Variants in VKORC1L1 observed in about 807,000 individuals in gnomAD.
The protein encoded by VKORC1L1 is vitamin K epoxide reductase complex subunit 1L1, also known as vitamin K epoxide reductase complex subunit 1-like protein 1.
Under a neutral mutation model 18.9 loss-of-function variants are expected in VKORC1L1, and 2 were observed. That is an observed-to-expected ratio of 0.11 (90% CI 0.04 to 0.33). VKORC1L1 has a LOEUF of 0.33. Ranked by LOEUF, VKORC1L1 falls within the 10% of genes least tolerant of loss-of-function variation. The probability of loss-of-function intolerance (pLI) is 1.00; values close to 1 mark genes in which losing one functional copy is unlikely to be tolerated. For synonymous variants in VKORC1L1, 96 were observed against 100.0 expected, an observed-to-expected ratio of 0.96 and a Z score of 0.24; for missense variants, 123 against 224.1, an observed-to-expected ratio of 0.55 and a Z score of 2.88.
At chr7:65,883,465 A>G (rs1204721877) in intron 1 of VKORC1L1, among the ~76,000 whole-genome samples, 1 of 150,230 alleles carries the variant, frequency 6.7e-6, no homozygotes. Flanking sequence ...TTTGAGCTTT[A>G]AAATACATTG....
At chr7:65,895,481 ATATATATATATATATATATATATAT>A (rs1789188286) in intron 1 of VKORC1L1, among the ~76,000 whole-genome samples, 2 of 23,592 alleles carry the variant, frequency 8.5e-5, no homozygotes. Context: ...AAAAAAAAAA[ATATATATATATATATATATATATAT>A]ATATATATAT....
intron 1 of VKORC1L1, among the ~76,000 whole-genome samples, chr7:65,906,068 G>A (rs1487140256): frequency 2.0e-5 from 3 of 151,696 alleles, no homozygotes; most frequent in African/African-American, 4.8e-5. Context: ...GAATGTGAGC[G>A]TTTTGAAGAC....
At chr7:65,880,842 G>T (rs1450756225) in intron 1 of VKORC1L1, among the ~76,000 whole-genome samples, 1 of 152,186 alleles carries the variant, frequency 6.6e-6, no homozygotes, top group African/African-American at 2.4e-5. Flanking sequence ...TATAAACCAT[G>T]TACTCTTGTA....
chr7:65,882,431 G>C (rs1360364775), intron 1 of VKORC1L1, among the ~76,000 whole-genome samples: 1 of 134,148 alleles, frequency 7.5e-6, no homozygotes, highest in African/African-American at 2.7e-5. Flanking sequence ...AAAAAAAAAA[G>C]TGCATTTAGA....
upstream of VKORC1L1, among the ~76,000 whole-genome samples, chr7:65,869,075 G>A (rs945328628): frequency 1.3e-5 from 2 of 152,120 alleles, no homozygotes; most frequent in Non-Finnish European, 2.9e-5. Context: ...AGCACTTTGG[G>A]AGGCCGAGGC....
At chr7:65,940,818 T>C (rs945729791) in intron 1 of VKORC1L1, among the ~76,000 whole-genome samples, 4 of 152,206 alleles carry the variant, frequency 2.6e-5, no homozygotes, top group Admixed American at 1.3e-4. Context: ...TGACAGCTAA[T>C]TATAGATATT....
chr7:65,950,572 T>C (rs1171357081), intron 2 of VKORC1L1, among the ~76,000 whole-genome samples: 1 of 152,164 alleles, frequency 6.6e-6, no homozygotes, highest in East Asian at 1.9e-4. Flanking sequence ...GTATTTATCT[T>C]GCAGAAGTAG....
At chr7:65,944,293 C>T (rs551343423) in intron 1 of VKORC1L1, among the ~76,000 whole-genome samples, 2 of 152,036 alleles carry the variant, frequency 1.3e-5, no homozygotes, top group East Asian at 1.9e-4. Flanking sequence ...CACTTGAACC[C>T]GGGAGGCAGA....
rs1583821902 is a variant in VKORC1L1 at position 65,881,771 on chromosome 7, A to G, written c.194+8206A>G. Reference sequence around the variant, plus strand: ...TTTTTGTAAATTCCTGTGATTTATAATTATAGTAATTTTAAAATAAAAAGT... The same window carrying G: ...TTTTTGTAAATTCCTGTGATTTATAGTTATAGTAATTTTAAAATAAAAAGT... On this transcript the variant is annotated intron_variant, in intron 1 of 2. Transcript: ENST00000360768. Among the ~76,000 whole-genome samples the G allele has an allele frequency of 2.0e-5, 3 of 152,338 alleles. No homozygotes were observed. In the Middle Eastern group the frequency reaches 0.01, roughly 518 times the overall value.
intron 1 of VKORC1L1, among the ~76,000 whole-genome samples, chr7:65,874,164 G>C (rs1476606024): frequency 6.6e-6 from 1 of 152,138 alleles, no homozygotes; most frequent in Admixed American, 6.5e-5. Context: ...GGTGACATTT[G>C]CTGGCAAACA....
rs531096672 is a variant in VKORC1L1, at chr7:65,920,163, G to A, written c.195-28508G>A. Among the ~76,000 whole-genome samples the A allele has an allele frequency of 1.4e-4, 21 of 152,014 alleles. No individual in the cohort carries two copies. In the Middle Eastern group the frequency reaches 0.01, roughly 74 times the overall value. ...GCGAGGCCTCCTCACCTCACCACCC[G>A]ACTTCAAATTTTGAATATAAGTTTA... On this transcript the variant is annotated intron_variant, in intron 1 of 2. Transcript: ENST00000360768.
chr7:65,903,733 C>T (rs1188807278), intron 1 of VKORC1L1, among the ~76,000 whole-genome samples: 1 of 144,654 alleles, frequency 6.9e-6, no homozygotes, highest in Admixed American at 7.1e-5. Context: ...AATTGAGCCA[C>T]ACTGCACTTT....
At chr7:65,951,586 A>G (rs1225719689) in intron 2 of VKORC1L1, among the ~76,000 whole-genome samples, 1 of 150,328 alleles carries the variant, frequency 6.7e-6, no homozygotes, top group African/African-American at 2.4e-5. Context: ...AAAAAAAAAT[A>G]TATATATATA....
upstream of VKORC1L1, among the ~76,000 whole-genome samples, chr7:65,871,277 C>A (rs1248755648): frequency 6.6e-6 from 1 of 152,018 alleles, no homozygotes; most frequent in East Asian, 1.9e-4. Flanking sequence ...CTCACTGCAA[C>A]CTCCACCTCC....
chr7:65,951,571 CA>C (rs777961665), intron 2 of VKORC1L1, among the ~76,000 whole-genome samples: 1 of 145,816 alleles, frequency 6.9e-6, no homozygotes, highest in Non-Finnish European at 1.5e-5. Context: ...GAGACTCCTT[CA>C]GGAAAAAAAA....
Position 65,957,003 on chromosome 7 carries a change from G to T in VKORC1L1, c.*2703G>T, listed in dbSNP as rs1228520482. ...ATGATAAATTCTAGGGAATCTAGGT[G>T]ATTTGGAGGATTTCATTTGTTTTGC... On this transcript the variant is annotated 3_prime_UTR_variant, in exon 3 of 3. Transcript: ENST00000360768. 1 of 152,188 alleles carries T rather than the reference G, an allele frequency of 6.6e-6. No individual in the cohort carries two copies. Among genetic ancestry groups the T allele is most frequent in the Admixed American group, 6.5e-5 (1 of 15,276 alleles). The allele number at this position is 152,188 out of a possible 1,614,324, so 9.4% of individuals were successfully genotyped here.
At chr7:65,926,531 C>G (rs1228212229) in intron 1 of VKORC1L1, among the ~76,000 whole-genome samples, 1 of 152,138 alleles carries the variant, frequency 6.6e-6, no homozygotes, top group African/African-American at 2.4e-5. Context: ...CTTTGGAAAA[C>G]AGTATGGAGA....
At chr7:65,869,311 A>T (rs958399549), upstream of VKORC1L1, among the ~76,000 whole-genome samples, 10 of 152,130 alleles carry the variant, frequency 6.6e-5, no homozygotes, top group Non-Finnish European at 1.2e-4. Flanking sequence ...TAAAAAAAAA[A>T]TTTATAAAAA....
intron 1 of VKORC1L1, among the ~76,000 whole-genome samples, chr7:65,897,934 CT>C (rs1453662910): frequency 1.3e-5 from 2 of 152,032 alleles, no homozygotes; most frequent in Non-Finnish European, 2.9e-5. Context: ...TTTACACACA[CT>C]CTTGTATATG....
Sources: allele counts gnomAD v4.1 joint callset (sites outside exome capture counted in the v4.1 genomes callset), GRCh38; gene constraint gnomAD v4.1.1; transcripts MANE v1.5; gene names NCBI Gene and HGNC (gene_info 2026-07-23, HGNC 2026-07-21).